Variants in CPD observed in about 807,000 individuals in gnomAD.
CPD encodes carboxypeptidase D, also known as metallocarboxypeptidase D.
In CPD, 69 loss-of-function variants were observed where a neutral mutation model predicts 138.3. The ratio of observed to expected loss-of-function variants is 0.50; its 90% CI spans 0.41 to 0.61. The LOEUF (loss-of-function observed/expected upper bound fraction) is 0.61. Among genes scored for constraint, CPD ranks in the 20% least tolerant of loss-of-function variants. The pLI, the probability that CPD is intolerant of heterozygous loss-of-function variation, is 0.00. For synonymous variants in CPD, 651 were observed against 642.1 expected (o/e 1.01, Z -0.21); for missense variants, 1,432 against 1,733.3 (o/e 0.83, Z 3.09).
intron 2 of CPD, among the ~76,000 whole-genome samples, chr17:30,419,625 G>A (rs1256781741): frequency 6.7e-6 from 1 of 148,470 alleles, no homozygotes; most frequent in Non-Finnish European, 1.5e-5. Context: ...ACAGGCATGG[G>A]CCATTGCACC....
chr17:30,413,129 G>GTA (rs1296912767), intron 2 of CPD, among the ~76,000 whole-genome samples: 1 of 152,178 alleles, frequency 6.6e-6, no homozygotes, highest in Non-Finnish European at 1.5e-5. Flanking sequence ...AATAGTCTTA[G>GTA]TATAATCCCT....
intron 2 of CPD, among the ~76,000 whole-genome samples, chr17:30,415,588 A>T (rs905997583): frequency 2.6e-5 from 4 of 152,250 alleles, no homozygotes; most frequent in Non-Finnish European, 5.9e-5. Flanking sequence ...AATCTAATTT[A>T]AAAATGGGCA....
chr17:30,379,422 G>A lies in CPD; in HGVS notation c.442G>A (p.Val148Met). The change falls in exon 1 of 21, where the codon GTG becomes ATG. Residue 148 changes from valine (V) to methionine (M), a missense_variant. Physicochemically the swap from Val to Met is conservative, Grantham distance 21 (BLOSUM62 1). Coordinates refer to ENST00000225719, the MANE Select transcript of CPD (RefSeq NM_001304.5). This position sits in a 1 kb window ranked among gnomAD's most constrained non-coding sequence, Gnocchi z 7.0. ...TGGCGACGAGACCGTGTCGCGCCAG[G>A]TGTTGATCTACTTGGCCCGCGAGCT... is the stretch of plus-strand genomic sequence containing the variant. ...MHGDETVSRQ[V>M]LIYLARELAA... 1.3e-6 allele frequency: 2 copies of A among 1,564,932 alleles called. No homozygotes were observed. The highest frequency in any genetic ancestry group is 1.7e-6 in the Non-Finnish European group (2 of 1,164,462).
chr17:30,437,520 A>G (rs549227393), intron 8 of CPD, among the ~76,000 whole-genome samples: 5 of 152,190 alleles, frequency 3.3e-5, no homozygotes, highest in Admixed American at 2.6e-4. Context: ...CCCCATCCCT[A>G]CAAAAAATAC....
intron 2 of CPD, among the ~76,000 whole-genome samples, chr17:30,413,266 T>C (rs1019703170): frequency 3.3e-5 from 5 of 152,218 alleles, no homozygotes; most frequent in African/African-American, 1.2e-4. Context: ...TTACCAAAGA[T>C]GATTATAGGT....
At position 30,468,706 on chromosome 17, in the gene CPD, CAT is replaced by C. The variant is rs1405270445; in HGVS notation, c.*3894_*3895del. ...GTTTGTCTTTCTTTGTGTTTTGTCT[CAT>C]AATCTTTTTTCAGATGCAATATGCC... On this transcript the variant is annotated 3_prime_UTR_variant, in exon 21 of 21. Transcript: ENST00000225719. 2 of 152,612 alleles carry C rather than the reference CAT, an allele frequency of 1.3e-5. No homozygotes were observed. Among genetic ancestry groups the C allele is most frequent in the East Asian group, 1.9e-4 (1 of 5,192 alleles). 9.5% of individuals were successfully genotyped at this position (152,612 alleles called of 1,614,324 possible). A position where few individuals can be genotyped will look rare whatever the true frequency, so the allele number is the denominator to read the frequency against.
At chr17:30,391,917 G>A (rs1911366136) in intron 2 of CPD, among the ~76,000 whole-genome samples, 1 of 151,504 alleles carries the variant, frequency 6.6e-6, no homozygotes, top group African/African-American at 2.4e-5. Context: ...AACCATGCCT[G>A]GTATATATAA....
chr17:30,421,619 C>G (rs1321022118), intron 3 of CPD, 45 bp from the exon 4 acceptor site: 4 of 1,577,472 alleles, frequency 2.5e-6, no homozygotes, highest in Non-Finnish European at 3.5e-6. Context: ...TGCGCTCTTG[C>G]CTTCCAAATT....
chr17:30,442,128 A>G (rs1053982682), intron 9 of CPD, among the ~76,000 whole-genome samples, 180 bp from the exon 10 acceptor site: 1 of 152,090 alleles, frequency 6.6e-6, no homozygotes, highest in Non-Finnish European at 1.5e-5. Context: ...CTTCTTCCAC[A>G]TGAAGGTATA....
chr17:30,459,199 ATTTATT>A lies in CPD; in HGVS notation c.3499-1973_3499-1968del, dbSNP rs1217836800. On this transcript the variant is annotated intron_variant, in intron 17 of 20. Transcript: ENST00000225719. The stretch of plus-strand genomic sequence containing the variant: ...TTTCCTTTTTTTTAATTTATTTTTT[ATTTATT>A]TTTATTTATTATTTATTATTTATTA... 6.5e-3 allele frequency among the ~76,000 whole-genome samples: 550 copies of A among 84,878 alleles called. 5 individuals carry two copies. Among genetic ancestry groups the A allele is most frequent in the African/African-American group, 0.017 (399 of 22,974 alleles). The allele number at this position is 84,878 out of a possible 152,430, so 55.7% of individuals were successfully genotyped here.
At chr17:30,450,488 T>A (rs1292312004) in intron 13 of CPD, among the ~76,000 whole-genome samples, 1 of 152,190 alleles carries the variant, frequency 6.6e-6, no homozygotes, top group Non-Finnish European at 1.5e-5. Context: ...CATAAAAAAT[T>A]ATTGGACATC....
intron 11 of CPD, 36 bp from the exon 12 acceptor site, chr17:30,445,647 TCCAGCTGC>T: frequency 1.4e-6 from 2 of 1,410,358 alleles, no homozygotes; most frequent in Non-Finnish European, 1.9e-6. Context: ...GTTTGGGTAC[TCCAGCTGC>T]AGGAGTGTGG....
chr17:30,391,875 G>A (rs1911365021), intron 2 of CPD, among the ~76,000 whole-genome samples: 2 of 151,904 alleles, frequency 1.3e-5, no homozygotes, highest in African/African-American at 2.4e-5. Flanking sequence ...TAGGGACTTT[G>A]TTTTATTCCA....
chr17:30,385,595 A>G (rs553315988), intron 2 of CPD, among the ~76,000 whole-genome samples: 12 of 152,112 alleles, frequency 7.9e-5, no homozygotes, highest in African/African-American at 2.9e-4. Flanking sequence ...CACTTTACCT[A>G]TAAGTTCCTC....
rs1156864999 is a variant in CPD at position 30,406,247 on chromosome 17, A to G, written c.995-14594A>G. On this transcript the variant is annotated intron_variant, in intron 2 of 20. Transcript: ENST00000225719. The stretch of plus-strand genomic sequence containing the variant: ...ATTTCCATTAGATTTTACACTGTGA[A>G]GCTAATATTAAAATCAGTCTATAAG... Among the ~76,000 whole-genome samples the G allele has an allele frequency of 3.9e-5, 6 of 152,188 alleles. No homozygotes were observed. The East Asian group carries it at 1.2e-3, about 29-fold the overall frequency.
rs1029544915 is a variant in CPD at position 30,468,548 on chromosome 17, A to G, written c.*3734A>G. On this transcript the variant is annotated 3_prime_UTR_variant, in exon 21 of 21. Transcript: ENST00000225719. ...CTTCAAAATGAAATTTTTAAAAGGGACTTTAAATGAAGTTGAATAGTAGTT... is the reference window on the plus strand; with the variant it reads ...CTTCAAAATGAAATTTTTAAAAGGGGCTTTAAATGAAGTTGAATAGTAGTT... The G allele has an allele frequency of 6.6e-6, 1 of 152,600 alleles. No homozygotes were observed. Among genetic ancestry groups the G allele is most frequent in the Non-Finnish European group, 1.5e-5 (1 of 68,006 alleles). The allele number at this position is 152,600 out of a possible 1,614,324, so 9.5% of individuals were successfully genotyped here.
chr17:30,388,967 G>T (rs781270683), intron 2 of CPD, among the ~76,000 whole-genome samples: 1 of 152,190 alleles, frequency 6.6e-6, no homozygotes, highest in Non-Finnish European at 1.5e-5. Context: ...ACCCTTAGTG[G>T]GGTGGGCGCA....
chr17:30,456,246 C>A lies in CPD; in HGVS notation c.3338-10C>A, dbSNP rs765116329. ...TTTCTCCACTGACTTCTAAATTTTT[C>A]TTTCTATAGTGGAAAATAAAGAGAC... On this transcript the variant is annotated splice_polypyrimidine_tract_variant and intron_variant, in intron 15 of 20. Transcript: ENST00000225719. The A allele has an allele frequency of 3.6e-5, 58 of 1,598,214 alleles. No individual in the cohort carries two copies. In the Admixed American group the frequency reaches 5.9e-4, roughly 16 times the overall value.
intron 7 of CPD, among the ~76,000 whole-genome samples, chr17:30,430,155 A>G (rs1253088743): frequency 6.6e-6 from 1 of 152,170 alleles, no homozygotes; most frequent in Non-Finnish European, 1.5e-5. Flanking sequence ...TAATTTTTTT[A>G]TTGAGGTGAA....
Sources: gnomAD v4.1 joint callset for allele counts (sites outside exome capture counted in the v4.1 genomes callset) on GRCh38, gnomAD v4.1.1 for gene constraint, Gnocchi (gnomAD v3.1) non-coding constraint, MANE v1.5 for transcripts, NCBI Gene and HGNC (gene_info 2026-07-23, HGNC 2026-07-21) for gene names.